Variants in LIMD1 observed in about 807,000 individuals in gnomAD.
LIMD1 encodes LIM domain-containing protein 1.
In LIMD1, 23 loss-of-function variants were observed where a neutral mutation model predicts 58.4. The observed-to-expected ratio is 0.39, with a 90% CI of 0.28 to 0.56. LIMD1 has a LOEUF of 0.56. Among genes scored for constraint, LIMD1 ranks in the 20% least tolerant of loss-of-function variants. The pLI, the probability that LIMD1 is intolerant of heterozygous loss-of-function variation, is 0.57. For missense variants in LIMD1, 838 were observed against 855.5 expected (o/e 0.98, Z 0.25); for synonymous variants, 334 against 345.5 (o/e 0.97, Z 0.37).
chr3:45,634,887 A>C (rs1701770248), intron 1 of LIMD1: 1 of 152,206 alleles, frequency 6.6e-6, no homozygotes, highest in Non-Finnish European at 1.5e-5. Context: ...CCATTAATCC[A>C]AACTACAGGA....
Position 45,677,998 on chromosome 3 carries a change from G to C in LIMD1, c.*939G>C, listed in dbSNP as rs1268239227. On this transcript the variant is annotated 3_prime_UTR_variant, in exon 8 of 8. Transcript: ENST00000273317. Reference sequence around the variant, plus strand: ...TTTTGGGAAGAGCTGCCCGCATACTGAGAGACAGCTTCTTATAAACAAGGA... The same window carrying C: ...TTTTGGGAAGAGCTGCCCGCATACTCAGAGACAGCTTCTTATAAACAAGGA... 6.6e-6 allele frequency: 1 copy of C among 152,330 alleles called. No homozygotes were observed. Among genetic ancestry groups the C allele is most frequent in the African/African-American group, 2.4e-5 (1 of 41,442 alleles). 9.4% of individuals were successfully genotyped at this position (152,330 alleles called of 1,614,324 possible).
At chr3:45,638,866 GAT>G (rs1376472892) in intron 2 of LIMD1, among the ~76,000 whole-genome samples, 2 of 152,148 alleles carry the variant, frequency 1.3e-5, no homozygotes, top group Admixed American at 1.3e-4. Flanking sequence ...TTTCTTTGAT[GAT>G]AATGATGTGG....
At chr3:45,664,837 CAG>C (rs940884560) in intron 2 of LIMD1, among the ~76,000 whole-genome samples, 1 of 152,198 alleles carries the variant, frequency 6.6e-6, no homozygotes, top group African/African-American at 2.4e-5. Flanking sequence ...TAACTTTTTG[CAG>C]AGAGTTCATT....
At chr3:45,638,268 G>A (rs1701809000) in intron 2 of LIMD1, among the ~76,000 whole-genome samples, 1 of 151,832 alleles carries the variant, frequency 6.6e-6, no homozygotes, top group Non-Finnish European at 1.5e-5. Context: ...TTGTGTTTAG[G>A]CCCCCCTTTA....
At position 45,636,232 on chromosome 3, in the gene LIMD1, C is replaced by T. The variant is rs971219147; in HGVS notation, c.1491C>T (p.Cys497=). 10 of 1,611,710 alleles carry T rather than the reference C, an allele frequency of 6.2e-6. No individual in the cohort carries two copies. The South Asian group carries it at 1.1e-4, about 18-fold the overall frequency. ...QAMGNLYHDT[C]FTCAACSRKL... is the part of the protein sequence containing the mutation. ...TGGGGAACCTCTACCATGACACATG[C>T]TTCACCTGTGCAGCTTGCAGTAAGT... The change falls in exon 2 of 8, where the codon TGC becomes TGT. Residue 497 remains cysteine, a synonymous_variant. Coordinates refer to ENST00000273317, the MANE Select transcript of LIMD1 (RefSeq NM_014240.3).
At chr3:45,634,226 C>G (rs1162313848) in intron 1 of LIMD1, among the ~76,000 whole-genome samples, 1 of 151,982 alleles carries the variant, frequency 6.6e-6, no homozygotes, top group African/African-American at 2.4e-5. Context: ...ATAAAGAAAC[C>G]ACTGTTTATA....
In LIMD1 at chr3:45,658,532, A is replaced by ATGCTTTTTTTTTTTTTTTTTTTTTTTT. The variant is rs1553646072; in HGVS notation, c.1511-7117_1511-7116insGCTTTTTTTTTTTTTTTTTTTTTTTTT. Among the ~76,000 whole-genome samples the ATGCTTTTTTTTTTTTTTTTTTTTTTTT allele has an allele frequency of 2.8e-5, 2 of 72,138 alleles. 1 individual carries two copies. The highest frequency in any genetic ancestry group is 9.0e-5 in the African/African-American group (2 of 22,202). The allele number at this position is 72,138 out of a possible 152,430, so 47.3% of individuals were successfully genotyped here. ...ATAAACCATCCCCTCCACCATGCAG[A>ATGCTTTTTTTTTTTTTTTTTTTTTTTT]TTCTTTTTTTTTTTTTTTTTTTTTT... On this transcript the variant is annotated intron_variant, in intron 2 of 7. Coordinates refer to ENST00000273317, the MANE Select transcript of LIMD1 (RefSeq NM_014240.3).
chr3:45,614,427 A>AC (rs1701557726), intron 1 of LIMD1, among the ~76,000 whole-genome samples: 1 of 149,204 alleles, frequency 6.7e-6, no homozygotes, highest in South Asian at 2.1e-4. Flanking sequence ...AAAAAAAAAA[A>AC]GGAAATCCTC....
chr3:45,654,767 T>G (rs1188367967), intron 2 of LIMD1, among the ~76,000 whole-genome samples: 8 of 139,938 alleles, frequency 5.7e-5, no homozygotes, highest in Non-Finnish European at 1.1e-4. Flanking sequence ...AGGAGGAGAT[T>G]GCACCACTGC....
intron 2 of LIMD1, among the ~76,000 whole-genome samples, chr3:45,663,687 A>G (rs1302941921): frequency 2.0e-5 from 3 of 151,500 alleles, no homozygotes; most frequent in Non-Finnish European, 4.4e-5. Context: ...TCTTTTTCTT[A>G]TTAATTGGTG....
In LIMD1 at chr3:45,683,612, TC is replaced by T. The variant is rs1029074468; in HGVS notation, c.*6557del. 9.9e-5 allele frequency: 15 copies of T among 152,060 alleles called. No individual in the cohort carries two copies. The highest frequency in any genetic ancestry group is 3.6e-4 in the African/African-American group (15 of 41,386). The allele number at this position is 152,060 out of a possible 1,614,324, so 9.4% of individuals were successfully genotyped here. On this transcript the variant is annotated 3_prime_UTR_variant, in exon 8 of 8. Transcript: ENST00000273317. ...TAACTTTGCTTCAGCCTCTGATTGG[TC>T]CCCTCCCACAACCAATCAAACTGAT...
intron 1 of LIMD1, among the ~76,000 whole-genome samples, chr3:45,624,959 C>T (rs943818923): frequency 4.2e-5 from 6 of 142,008 alleles, no homozygotes; most frequent in East Asian, 2.1e-4. Context: ...AATTGTTTTT[C>T]GGCTTTGGGT....
At chr3:45,675,952 TTAAAAAAG>T (rs1392878245) in intron 7 of LIMD1, among the ~76,000 whole-genome samples, 1 of 152,124 alleles carries the variant, frequency 6.6e-6, no homozygotes, top group African/African-American at 2.4e-5. Flanking sequence ...AGACCCTGTC[TTAAAAAAG>T]TAAAAAATCC....
intron 3 of LIMD1, among the ~76,000 whole-genome samples, chr3:45,667,909 T>C (rs1415164758): frequency 6.6e-6 from 1 of 152,152 alleles, no homozygotes; most frequent in Non-Finnish European, 1.5e-5. Flanking sequence ...ACCCCCTGAG[T>C]TTCCAAATCA....
chr3:45,610,133 G>A (rs990442177), intron 1 of LIMD1, among the ~76,000 whole-genome samples: 5 of 152,198 alleles, frequency 3.3e-5, no homozygotes, highest in Non-Finnish European at 5.9e-5. Flanking sequence ...CGAGTGAGCC[G>A]AGATTGTGCC....
intron 2 of LIMD1, among the ~76,000 whole-genome samples, chr3:45,654,783 A>G (rs1383288186): frequency 2.7e-5 from 4 of 145,810 alleles, no homozygotes; most frequent in Admixed American, 1.4e-4. Flanking sequence ...ACTGCACTCC[A>G]GCCTGGGTGA....
chr3:45,620,252 A>C (rs1338567526), intron 1 of LIMD1, among the ~76,000 whole-genome samples: 4 of 152,242 alleles, frequency 2.6e-5, no homozygotes, highest in Non-Finnish European at 5.9e-5. Context: ...AAGTGAGCTA[A>C]CTTGAGAAAC....
At chr3:45,664,314 A>G (rs1697483398) in intron 2 of LIMD1, among the ~76,000 whole-genome samples, 1 of 152,188 alleles carries the variant, frequency 6.6e-6, no homozygotes, top group South Asian at 2.1e-4. Context: ...CCAGATACTA[A>G]TAGCATTTTA....
intron 2 of LIMD1, among the ~76,000 whole-genome samples, chr3:45,654,539 A>G (rs1702006202): frequency 6.6e-6 from 1 of 152,040 alleles, no homozygotes; most frequent in Non-Finnish European, 1.5e-5. Context: ...AATATAAAAT[A>G]CTCATTCACG....
Sources: gnomAD v4.1 joint callset for allele counts (sites outside exome capture counted in the v4.1 genomes callset) on GRCh38, gnomAD v4.1.1 for gene constraint, MANE v1.5 for transcripts, NCBI Gene and HGNC (gene_info 2026-07-23, HGNC 2026-07-21) for gene names.